RAB3C: variants seen among roughly 807,000 people sequenced by gnomAD.
The protein encoded by RAB3C is ras-related protein Rab-3C.
Under a neutral mutation model 26.4 loss-of-function variants are expected in RAB3C, and 17 were observed. That is an observed-to-expected ratio of 0.64 (90% CI 0.44 to 0.97). The LOEUF (loss-of-function observed/expected upper bound fraction) is 0.97, where lower values mean the gene tolerates loss of function less well. Among genes scored for constraint, RAB3C ranks in the 50% least tolerant of loss-of-function variants. The pLI is 0.00. For synonymous variants in RAB3C, 91 were observed against 95.9 expected (o/e 0.95, Z 0.30); for missense variants, 242 against 281.9 (o/e 0.86, Z 1.01).
intron 3 of RAB3C, among the ~76,000 whole-genome samples, chr5:58,797,923 A>G (rs1341697985): frequency 1.3e-5 from 2 of 152,224 alleles, no homozygotes; most frequent in Admixed American, 1.3e-4. Context: ...AATTAGCATT[A>G]TAAATAATAG....
chr5:58,670,116 G>A (rs949056986), intron 2 of RAB3C, among the ~76,000 whole-genome samples: 1 of 151,998 alleles, frequency 6.6e-6, no homozygotes, highest in African/African-American at 2.4e-5. Context: ...GAGTCTTTGG[G>A]GAATCTGATA....
intron 3 of RAB3C, among the ~76,000 whole-genome samples, chr5:58,774,738 A>G (rs1742091745): frequency 6.6e-6 from 1 of 152,124 alleles, no homozygotes; most frequent in East Asian, 1.9e-4. Context: ...GATATGAAGG[A>G]GGTAAAGAAG....
At chr5:58,813,599 TATATA>T (rs1208052248) in intron 3 of RAB3C, among the ~76,000 whole-genome samples, 7 of 10,730 alleles carry the variant, frequency 6.5e-4, no homozygotes, top group African/African-American at 4.3e-3. Context: ...TATTTATATA[TATATA>T]TATATATATA....
chr5:58,824,921 A>C, intron 3 of RAB3C, 117 bp from the exon 4 acceptor site: 2 of 643,160 alleles, frequency 3.1e-6, no homozygotes, highest in South Asian at 2.1e-5. Flanking sequence ...GCATTTGGAC[A>C]TCGTGTTTTT....
At position 58,854,036 on chromosome 5, in the gene RAB3C, A is replaced by AACACACACACACACACACACACACAC. The variant is rs3835173; in HGVS notation, c.*2698_*2723dup. 2.1e-5 allele frequency: 3 copies of AACACACACACACACACACACACACAC among 142,526 alleles called. No homozygotes were observed. The highest frequency in any genetic ancestry group is 7.9e-5 in the African/African-American group (3 of 37,754). 8.8% of individuals were successfully genotyped at this position (142,526 alleles called of 1,614,324 possible). ...TCCAAGGTTTTTCAGCCTTTTGGCC[A>AACACACACACACACACACACACACAC]ACACACACACACACACACACACACA... On this transcript the variant is annotated 3_prime_UTR_variant, in exon 5 of 5. Coordinates refer to ENST00000282878, the MANE Select transcript of RAB3C (RefSeq NM_138453.4).
intron 2 of RAB3C, among the ~76,000 whole-genome samples, chr5:58,641,591 G>A (rs1354578599): frequency 6.6e-6 from 1 of 152,158 alleles, no homozygotes; most frequent in Non-Finnish European, 1.5e-5. Context: ...TCCTTACTCA[G>A]CATTACCCAG....
intron 4 of RAB3C, among the ~76,000 whole-genome samples, chr5:58,828,901 CTTTTTTTT>C (rs762653092): frequency 2.5e-5 from 3 of 122,434 alleles, no homozygotes; most frequent in South Asian, 5.2e-4. Context: ...TTTTACCATG[CTTTTTTTT>C]TTTTTTTTTT....
chr5:58,791,868 T>C (rs1384350643), intron 3 of RAB3C, among the ~76,000 whole-genome samples: 2 of 152,186 alleles, frequency 1.3e-5, no homozygotes, highest in Admixed American at 6.5e-5. Context: ...TAGAAGCAGT[T>C]TGATGTTGGG....
intron 4 of RAB3C, among the ~76,000 whole-genome samples, chr5:58,848,079 A>T (rs1024388851): frequency 6.6e-6 from 1 of 151,856 alleles, no homozygotes; most frequent in Non-Finnish European, 1.5e-5. Flanking sequence ...CTGGTCTCGA[A>T]CTCCTGACCT....
chr5:58,688,765 G>A (rs1033076485), intron 2 of RAB3C, among the ~76,000 whole-genome samples: 1 of 152,124 alleles, frequency 6.6e-6, no homozygotes, highest in African/African-American at 2.4e-5. Context: ...TAAAGATATT[G>A]CGTATCTTAG....
chr5:58,586,725 C>CA (rs1261477300), intron 1 of RAB3C, among the ~76,000 whole-genome samples: 1 of 150,560 alleles, frequency 6.6e-6, no homozygotes, highest in East Asian at 2.0e-4. Flanking sequence ...AAACATGGAG[C>CA]AGAGTGCCAA....
intron 3 of RAB3C, among the ~76,000 whole-genome samples, chr5:58,750,938 T>G (rs984183638): frequency 6.6e-6 from 1 of 152,024 alleles, no homozygotes; most frequent in African/African-American, 2.4e-5. Flanking sequence ...CTCTGCAACC[T>G]CCACCTCCCG....
At chr5:58,582,291 C>A (rs1745915706), upstream of RAB3C, 1 of 476,676 alleles carries the variant, frequency 2.1e-6, no homozygotes, top group Non-Finnish European at 2.7e-6. Flanking sequence ...GCCACCCCTA[C>A]CCCTTCTATT....
intron 2 of RAB3C, among the ~76,000 whole-genome samples, chr5:58,702,912 C>A (rs144673068): frequency 2.0e-5 from 3 of 152,148 alleles, no homozygotes; most frequent in East Asian, 3.9e-4. Flanking sequence ...AATTTTGGAA[C>A]CTGTTGGGAT....
chr5:58,761,214 A>AT (rs1417143893), intron 3 of RAB3C, among the ~76,000 whole-genome samples: 1 of 152,062 alleles, frequency 6.6e-6, no homozygotes, highest in Non-Finnish European at 1.5e-5. Flanking sequence ...TATTGATTGA[A>AT]TTTTTTTACA....
At chr5:58,754,172 A>C (rs1431142758) in intron 3 of RAB3C, among the ~76,000 whole-genome samples, 1 of 152,146 alleles carries the variant, frequency 6.6e-6, no homozygotes, top group East Asian at 1.9e-4. Context: ...CTGTTATGTG[A>C]AGTGAACTGT....
chr5:58,720,988 T>C (rs887015266), intron 2 of RAB3C, among the ~76,000 whole-genome samples: 4 of 151,850 alleles, frequency 2.6e-5, no homozygotes, highest in Non-Finnish European at 5.9e-5. Flanking sequence ...CTTAGAAGGT[T>C]TTAAGAATTC....
intron 3 of RAB3C, among the ~76,000 whole-genome samples, chr5:58,785,325 C>T (rs1742354201): frequency 6.6e-6 from 1 of 152,178 alleles, no homozygotes; most frequent in Admixed American, 6.5e-5. Context: ...TCCTCAAGAT[C>T]CCCAGCTAAT....
chr5:58,652,873 C>T (rs1005156560), intron 2 of RAB3C, among the ~76,000 whole-genome samples: 4 of 151,982 alleles, frequency 2.6e-5, no homozygotes, highest in Non-Finnish European at 4.4e-5. Flanking sequence ...ATTACTTTTC[C>T]AGATAAACTT....
Sources: allele counts gnomAD v4.1 joint callset (sites outside exome capture counted in the v4.1 genomes callset), GRCh38; gene constraint gnomAD v4.1.1; transcripts MANE v1.5; gene names NCBI Gene and HGNC (gene_info 2026-07-23, HGNC 2026-07-21).